Variants in ARHGEF12 observed in about 807,000 individuals in gnomAD.
ARHGEF12 encodes Rho guanine nucleotide exchange factor 12, also known as KMT2A/ARHGEF12 fusion protein.
ARHGEF12 carries 66 observed loss-of-function variants against 211.2 expected under a neutral mutation model. The observed-to-expected ratio is 0.31, with a 90% confidence interval of 0.26 to 0.38. The LOEUF is 0.38. Ranked by LOEUF, ARHGEF12 falls within the 10% of genes least tolerant of loss-of-function variation. The pLI is 1.00. For missense variants in ARHGEF12, 1,429 were observed against 1,869.5 expected (o/e 0.76, Z 4.34); for synonymous variants, 592 against 638.4 (o/e 0.93, Z 1.09).
In ARHGEF12 at chr11:120,485,812, A is replaced by G. The variant is rs1304379439; in HGVS notation, c.*735A>G. ...CTGTAGCTGGGATCAACCACAATTAATAGGAATCCTCAACATACTAAATAG... is the reference window on the plus strand; with the variant it reads ...CTGTAGCTGGGATCAACCACAATTAGTAGGAATCCTCAACATACTAAATAG... On this transcript the variant is annotated 3_prime_UTR_variant, in exon 41 of 41. Transcript: ENST00000397843. The G allele has an allele frequency of 8.6e-6, 2 of 233,348 alleles. No individual in the cohort carries two copies. Among genetic ancestry groups the G allele is most frequent in the Non-Finnish European group, 1.7e-5 (2 of 117,936 alleles). 14.5% of individuals were successfully genotyped at this position (233,348 alleles called of 1,614,324 possible).
chr11:120,473,791 C>G (rs1012492717), intron 31 of ARHGEF12, among the ~76,000 whole-genome samples: 4 of 152,182 alleles, frequency 2.6e-5, no homozygotes, highest in African/African-American at 4.8e-5. Flanking sequence ...TGAGGCTCTT[C>G]AGAAGCATAA....
chr11:120,430,214 G>A (rs1414884308), intron 10 of ARHGEF12, among the ~76,000 whole-genome samples: 1 of 151,996 alleles, frequency 6.6e-6, no homozygotes, highest in Non-Finnish European at 1.5e-5. Flanking sequence ...TACAACAACA[G>A]GCATTGAGCT....
chr11:120,356,758 T>C (rs990903199), intron 1 of ARHGEF12, among the ~76,000 whole-genome samples: 2 of 152,210 alleles, frequency 1.3e-5, no homozygotes, highest in African/African-American at 4.8e-5. Flanking sequence ...TACCTTCTAT[T>C]TGGACCTTTC....
intron 4 of ARHGEF12, among the ~76,000 whole-genome samples, chr11:120,417,840 T>C (rs1351976617): frequency 2.0e-5 from 3 of 152,194 alleles, no homozygotes; most frequent in African/African-American, 7.2e-5. Context: ...TTATAAAGAA[T>C]GCTTTTTTTA....
intron 4 of ARHGEF12, among the ~76,000 whole-genome samples, chr11:120,414,120 A>G: frequency 6.6e-6 from 1 of 152,158 alleles, no homozygotes; most frequent in East Asian, 1.9e-4. Context: ...GTCTTTTGTT[A>G]TGATAAGGAA....
At chr11:120,345,665 T>C (rs902134924) in intron 1 of ARHGEF12, among the ~76,000 whole-genome samples, 1 of 128,924 alleles carries the variant, frequency 7.8e-6, no homozygotes, top group African/African-American at 3.0e-5. Flanking sequence ...ATCGCGCCAC[T>C]GCACTCCAGC....
chr11:120,378,564 G>A (rs1943793765), intron 1 of ARHGEF12, among the ~76,000 whole-genome samples: 1 of 152,132 alleles, frequency 6.6e-6, no homozygotes, highest in African/African-American at 2.4e-5. Context: ...TTAACCCAAG[G>A]TTGCAGAAAA....
intron 1 of ARHGEF12, among the ~76,000 whole-genome samples, chr11:120,361,336 C>CA (rs1943268936): frequency 6.6e-6 from 1 of 152,184 alleles, no homozygotes; most frequent in Admixed American, 6.5e-5. Context: ...ATCTAGGCTG[C>CA]ACACTCCTTA....
At chr11:120,396,618 T>G (rs897550041) in intron 1 of ARHGEF12, among the ~76,000 whole-genome samples, 3 of 152,228 alleles carry the variant, frequency 2.0e-5, no homozygotes, top group African/African-American at 7.2e-5. Context: ...CAAACGGTGC[T>G]GGAACAATTG....
At chr11:120,409,324 C>A in intron 3 of ARHGEF12, 70 bp from the exon 4 acceptor site, 1 of 1,468,790 alleles carries the variant, frequency 6.8e-7, no homozygotes, top group Non-Finnish European at 9.4e-7. Flanking sequence ...CTTTTTTCCC[C>A]ATGAATTTTT....
intron 6 of ARHGEF12, among the ~76,000 whole-genome samples, chr11:120,422,978 C>T (rs1409822205): frequency 6.6e-6 from 1 of 151,950 alleles, no homozygotes; most frequent in African/African-American, 2.4e-5. Context: ...AGAAAACATA[C>T]CATGAAAAAT....
At chr11:120,454,881 G>A (rs922394490) in intron 22 of ARHGEF12, among the ~76,000 whole-genome samples, 3 of 152,162 alleles carry the variant, frequency 2.0e-5, no homozygotes, top group African/African-American at 4.8e-5. Context: ...GTCTCTATAG[G>A]TGCACTCTGT....
At chr11:120,468,593 C>T (rs893543815) in intron 29 of ARHGEF12, among the ~76,000 whole-genome samples, 3 of 152,136 alleles carry the variant, frequency 2.0e-5, no homozygotes, top group African/African-American at 7.2e-5. Context: ...GGATTACAGG[C>T]GCACGCCACC....
chr11:120,397,799 A>G (rs1944432901), intron 1 of ARHGEF12, among the ~76,000 whole-genome samples: 1 of 152,218 alleles, frequency 6.6e-6, no homozygotes, highest in South Asian at 2.1e-4. Flanking sequence ...AATATTTAAT[A>G]TGTAAACATA....
chr11:120,445,651 C>T (rs1008604647), intron 16 of ARHGEF12, among the ~76,000 whole-genome samples, 187 bp downstream of exon 16: 1 of 152,242 alleles, frequency 6.6e-6, no homozygotes, highest in East Asian at 1.9e-4. Flanking sequence ...GTAATCCCAG[C>T]ACTTTGGAAG....
intron 1 of ARHGEF12, among the ~76,000 whole-genome samples, chr11:120,356,340 C>G (rs925560634): frequency 1.3e-5 from 2 of 152,200 alleles, no homozygotes; most frequent in African/African-American, 4.8e-5. Flanking sequence ...TGTGGCTGAG[C>G]CACCCAGGTG....
Position 120,441,697 on chromosome 11 carries a change from CTT to C in ARHGEF12, c.1093-9_1093-8del. On this transcript the variant is annotated splice_polypyrimidine_tract_variant and splice_region_variant and intron_variant, in intron 13 of 40. Coordinates refer to ENST00000397843, the MANE Select transcript of ARHGEF12 (RefSeq NM_015313.3). ...TGGAGTTACTGATGCATAATCATTT[CTT>C]CCTCTAGATCAATGGACAGTGCAGC... is the stretch of plus-strand genomic sequence containing the variant. 6.2e-7 allele frequency: 1 copy of C among 1,607,010 alleles called. No individual in the cohort carries two copies. The highest frequency in any genetic ancestry group is 8.5e-7 in the Non-Finnish European group (1 of 1,174,498).
rs370593677 is a variant in ARHGEF12 at position 120,467,490 on chromosome 11, TGGA to T, written c.2854+184_2854+186del. Among the ~76,000 whole-genome samples, 634 of 150,220 alleles carry T rather than the reference TGGA, an allele frequency of 4.2e-3. 4 individuals carry two copies. Among genetic ancestry groups the T allele is most frequent in the African/African-American group, 0.015 (599 of 40,688 alleles). On this transcript the variant is annotated intron_variant, in intron 29 of 40. Coordinates refer to ENST00000397843, the MANE Select transcript of ARHGEF12 (RefSeq NM_015313.3). Reference sequence around the variant, plus strand: ...CAGGGTCTCACTCAGTCTTGCAGGCTGGAGTGCAGTGGCACAATCATAGTTTCC... The same window carrying T: ...CAGGGTCTCACTCAGTCTTGCAGGCTGTGCAGTGGCACAATCATAGTTTCC...
chr11:120,402,932 TTG>T (rs1310428674), intron 1 of ARHGEF12, among the ~76,000 whole-genome samples: 2 of 152,344 alleles, frequency 1.3e-5, no homozygotes, highest in East Asian at 1.9e-4. Context: ...AGTTACAAAA[TTG>T]TGTGTTTGTG....
Sources: gnomAD v4.1 joint callset for allele counts (sites outside exome capture counted in the v4.1 genomes callset) on GRCh38, gnomAD v4.1.1 for gene constraint, MANE v1.5 for transcripts, NCBI Gene and HGNC (gene_info 2026-07-23, HGNC 2026-07-21) for gene names.